The following MCMBP variants were observed in gnomAD, a reference collection of about 807,000 sequenced individuals.
MCMBP encodes the protein mini-chromosome maintenance complex-binding protein.
In MCMBP, 31 loss-of-function variants were observed where a neutral mutation model predicts 81.3. The ratio of observed to expected loss-of-function variants is 0.38; its 90% CI spans 0.29 to 0.51. The LOEUF (loss-of-function observed/expected upper bound fraction) is 0.51. Among genes scored for constraint, MCMBP ranks in the 20% least tolerant of loss-of-function variants. MCMBP has a pLI of 0.87. For missense variants in MCMBP, 645 were observed against 772.1 expected, an observed-to-expected ratio of 0.84 and a Z score of 1.95; for synonymous variants, 267 against 275.9, an observed-to-expected ratio of 0.97 and a Z score of 0.32.
At chr10:119,859,280 A>G in intron 2 of MCMBP, 99 bp from the exon 3 acceptor site, 1 of 505,006 alleles carries the variant, frequency 2.0e-6, no homozygotes, top group South Asian at 4.1e-5. Context: ...ACTGTTACAC[A>G]CACACACACA....
chr10:119,861,484 A>G (rs552677822), intron 1 of MCMBP, among the ~76,000 whole-genome samples: 1 of 152,250 alleles, frequency 6.6e-6, no homozygotes, highest in African/African-American at 2.4e-5. Flanking sequence ...GACTGACTAT[A>G]ATGCACATTG....
intron 9 of MCMBP, 67 bp from the exon 10 acceptor site, chr10:119,842,662 A>G (rs1419903473): frequency 2.6e-6 from 4 of 1,541,998 alleles, no homozygotes; most frequent in Non-Finnish European, 3.5e-6. Flanking sequence ...CTTAGGTAAA[A>G]AAATAACTAC....
intron 1 of MCMBP, among the ~76,000 whole-genome samples, chr10:119,864,582 G>GT (rs1853384328): frequency 7.8e-6 from 1 of 127,762 alleles, no homozygotes; most frequent in Non-Finnish European, 1.7e-5. Context: ...CAATTTTATT[G>GT]ATTTTTTTTT....
rs183656787 is a variant in MCMBP, at chr10:119,851,932, C to G, written c.574+1118G>C. Among the ~76,000 whole-genome samples, 84 of 152,052 alleles carry G rather than the reference C, an allele frequency of 5.5e-4. 1 individual carries two copies. Among genetic ancestry groups the G allele is most frequent in the Non-Finnish European group, 2.9e-4 (20 of 67,978 alleles). Reference sequence around the variant, plus strand: ...CTTTGGGAGGCCGAGGCAAGTGGATCATCTGATGTCGGGAGCTCAAGACCA... The same window carrying G: ...CTTTGGGAGGCCGAGGCAAGTGGATGATCTGATGTCGGGAGCTCAAGACCA... On this transcript the variant is annotated intron_variant, in intron 6 of 15. Transcript: ENST00000369077.
rs530134478 is a variant in MCMBP at position 119,860,055 on chromosome 10, T to C, written c.59-171A>G. ...ATTTTATGCTTCAGTGTGTCTGAAGTACTGCACAAGACACATTCAAGAAGC... is the reference window on the plus strand; with the variant it reads ...ATTTTATGCTTCAGTGTGTCTGAAGCACTGCACAAGACACATTCAAGAAGC... On this transcript the variant is annotated intron_variant, in intron 1 of 15. Coordinates refer to ENST00000369077, the MANE Select transcript of MCMBP (RefSeq NM_001256378.2). Among the ~76,000 whole-genome samples, 3 of 152,262 alleles carry C rather than the reference T, an allele frequency of 2.0e-5. No individual in the cohort carries two copies. The East Asian group carries it at 5.8e-4, about 29-fold the overall frequency.
chr10:119,870,303 C>T (rs1233785389), intron 1 of MCMBP, among the ~76,000 whole-genome samples: 4 of 152,080 alleles, frequency 2.6e-5, no homozygotes, highest in South Asian at 2.1e-4. Context: ...AAAAATTAGC[C>T]GGGCGTGGTG....
At chr10:119,868,672 C>G (rs34976918) in intron 1 of MCMBP, among the ~76,000 whole-genome samples, 16,497 of 152,226 alleles carry the variant, frequency 0.11, 947 homozygotes, top group South Asian at 0.17. Context: ...CAACAATGCA[C>G]TTTACACACT....
chr10:119,834,865 A>T (rs1334139585), intron 14 of MCMBP, among the ~76,000 whole-genome samples: 1 of 141,060 alleles, frequency 7.1e-6, no homozygotes, highest in African/African-American at 2.7e-5. Flanking sequence ...CTGTCTCAAA[A>T]AAAAAAAAAA....
At chr10:119,836,778 TTTTTTTTTTTTTTTTTAC>T in intron 13 of MCMBP, 100 bp downstream of exon 13, 1 of 301,486 alleles carries the variant, frequency 3.3e-6, no homozygotes, top group Non-Finnish European at 5.2e-6. Flanking sequence ...TTTTTTTTTT[TTTTTTTTTTTTTTTTTAC>T]AACAAATGTA....
chr10:119,847,819 T>TA, intron 7 of MCMBP, 106 bp from the exon 8 acceptor site: 2 of 556,762 alleles, frequency 3.6e-6, no homozygotes, highest in Non-Finnish European at 6.2e-6. Context: ...AAACAGACCT[T>TA]AAAGCAAGTC....
At chr10:119,853,316 T>G in intron 5 of MCMBP, 122 bp from the exon 6 acceptor site, 1 of 1,001,024 alleles carries the variant, frequency 1.0e-6, no homozygotes, top group Non-Finnish European at 1.5e-6. Flanking sequence ...TGCATTTTCA[T>G]AAAAGGAGGC....
In MCMBP at chr10:119,843,246, AC is replaced by A; in HGVS notation, c.1000+7del. On this transcript the variant is annotated splice_region_variant and intron_variant, in intron 9 of 15. Transcript: ENST00000369077. ...GATAGTTGACTAGGCTGTAACACTT[AC>A]ACTTACAGGTTTTGCTCTCCTCTTT... is the stretch of plus-strand genomic sequence containing the variant. 2 of 1,613,282 alleles carry A rather than the reference AC, an allele frequency of 1.2e-6. No individual in the cohort carries two copies. Among genetic ancestry groups the A allele is most frequent in the Non-Finnish European group, 1.7e-6 (2 of 1,179,498 alleles).
intron 12 of MCMBP, among the ~76,000 whole-genome samples, chr10:119,837,456 G>A (rs1162915529): frequency 1.3e-5 from 2 of 152,018 alleles, no homozygotes; most frequent in African/African-American, 4.8e-5. Context: ...TACCTCTTGA[G>A]CTGATCGCCA....
At position 119,857,321 on chromosome 10, in the gene MCMBP, G is replaced by A. The variant is rs368835057; in HGVS notation, c.429+17C>T. On this transcript the variant is annotated intron_variant, in intron 5 of 15. Coordinates refer to ENST00000369077, the MANE Select transcript of MCMBP (RefSeq NM_001256378.2). ...TAGAAACCATCAACACAGTAAGAAA[G>A]TTCAGATAAAGGATATTTCTTTTAC... 1.2e-5 allele frequency: 18 copies of A among 1,554,028 alleles called. No individual in the cohort carries two copies. Among genetic ancestry groups the A allele is most frequent in the Non-Finnish European group, 1.6e-5 (18 of 1,132,212 alleles).
rs375109129 is a variant in MCMBP at position 119,835,717 on chromosome 10, G to A, written c.1543-13C>T. On this transcript the variant is annotated splice_polypyrimidine_tract_variant and intron_variant, in intron 13 of 15. Transcript: ENST00000369077. ...TCTGGCAGTCTGCCTGAAAAGAGAA[G>A]GAGTACACTGTATTTTCTGAGTTCC... 29 of 1,613,522 alleles carry A rather than the reference G, an allele frequency of 1.8e-5. No individual in the cohort carries two copies. The highest frequency in any genetic ancestry group is 2.4e-5 in the Non-Finnish European group (28 of 1,179,750).
chr10:119,844,220 T>C (rs1852540788), intron 8 of MCMBP, among the ~76,000 whole-genome samples: 1 of 152,182 alleles, frequency 6.6e-6, no homozygotes, highest in South Asian at 2.1e-4. Flanking sequence ...GAAGACTGAG[T>C]AGACAAGCAA....
intron 8 of MCMBP, among the ~76,000 whole-genome samples, chr10:119,845,473 G>A (rs1319214288): frequency 1.3e-5 from 2 of 151,894 alleles, no homozygotes; most frequent in Non-Finnish European, 2.9e-5. Flanking sequence ...AGAAGAAAAA[G>A]GTAGAAATAA....
intron 8 of MCMBP, among the ~76,000 whole-genome samples, chr10:119,846,802 A>C (rs1852633651): frequency 6.6e-6 from 1 of 152,168 alleles, no homozygotes; most frequent in South Asian, 2.1e-4. Context: ...GAAGACAGCC[A>C]TCTGTAAACC....
chr10:119,841,214 G>A (rs1589780232), intron 10 of MCMBP, among the ~76,000 whole-genome samples: 1 of 152,204 alleles, frequency 6.6e-6, no homozygotes, highest in African/African-American at 2.4e-5. Flanking sequence ...TCAGCGGTAG[G>A]TGCTGTTGTC....
Sources: allele counts gnomAD v4.1 joint callset (sites outside exome capture counted in the v4.1 genomes callset), GRCh38; gene constraint gnomAD v4.1.1; transcripts MANE v1.5; gene names NCBI Gene and HGNC (gene_info 2026-07-23, HGNC 2026-07-21).